Variants in PPM1H observed in about 807,000 individuals in gnomAD.
PPM1H encodes the protein protein phosphatase 1H.
Under a neutral mutation model 54.9 loss-of-function variants are expected in PPM1H, and 27 were observed. The observed-to-expected ratio is 0.49, with a 90% CI of 0.36 to 0.68. The LOEUF (loss-of-function observed/expected upper bound fraction) is 0.68. PPM1H is among the 30% of genes least tolerant of loss of function. The probability of loss-of-function intolerance (pLI) is 0.00; values close to 1 mark genes in which losing one functional copy is unlikely to be tolerated. For missense variants in PPM1H, 596 were observed against 667.8 expected, an observed-to-expected ratio of 0.89 and a Z score of 1.19; for synonymous variants, 305 against 270.8, an observed-to-expected ratio of 1.13 and a Z score of -1.24.
chr12:62,727,871 G>A (rs541381090), intron 5 of PPM1H, among the ~76,000 whole-genome samples: 25 of 151,934 alleles, frequency 1.6e-4, no homozygotes, highest in African/African-American at 6.0e-4. Flanking sequence ...ATGTTGGCCA[G>A]GCTGGTCTTG....
At chr12:62,743,184 C>G (rs2076391801) in intron 4 of PPM1H, among the ~76,000 whole-genome samples, 1 of 152,078 alleles carries the variant, frequency 6.6e-6, no homozygotes, top group Admixed American at 6.5e-5. Flanking sequence ...AACCCCATCT[C>G]TACTAAAAAA....
rs1373122659 is a variant in PPM1H at position 62,934,533 on chromosome 12, G to C, written c.204C>G (p.Leu68=). The C allele has an allele frequency of 2.6e-6, 4 of 1,552,278 alleles. No individual in the cohort carries two copies. In the Admixed American group the frequency reaches 7.8e-5, roughly 30 times the overall value. The change falls in exon 1 of 10, where the codon CTC becomes CTG. Residue 68 remains leucine, a synonymous_variant. Coordinates refer to ENST00000228705, the MANE Select transcript of PPM1H (RefSeq NM_020700.2). The surrounding 1 kb of genome is among the most constrained non-coding windows in gnomAD (Gnocchi z 4.2). ...ADHIARPILI[L]KETRRLPWAT... Reference sequence around the variant, plus strand: ...CCCAGGGCAGCCGCCGAGTCTCCTTGAGGATGAGGATGGGGCGGGCGATGT... The same window carrying C: ...CCCAGGGCAGCCGCCGAGTCTCCTTCAGGATGAGGATGGGGCGGGCGATGT...
chr12:62,739,429 G>A (rs931416595), intron 4 of PPM1H, among the ~76,000 whole-genome samples: 2 of 152,206 alleles, frequency 1.3e-5, no homozygotes, highest in South Asian at 2.1e-4. Flanking sequence ...CTAGGTTTGG[G>A]CCTAATCTTA....
intron 6 of PPM1H, among the ~76,000 whole-genome samples, chr12:62,696,084 T>G (rs2076113837): frequency 6.6e-6 from 1 of 152,192 alleles, no homozygotes; most frequent in South Asian, 2.1e-4. Context: ...GCTGCAGCTC[T>G]AGAACCAATG....
chr12:62,706,720 C>T (rs546349587), intron 6 of PPM1H, among the ~76,000 whole-genome samples: 11 of 152,272 alleles, frequency 7.2e-5, no homozygotes, highest in Non-Finnish European at 1.2e-4. Flanking sequence ...CTCTTAACCA[C>T]GCTTCTCTGT....
intron 8 of PPM1H, among the ~76,000 whole-genome samples, chr12:62,684,792 A>T (rs910452632): frequency 6.6e-6 from 1 of 152,140 alleles, no homozygotes; most frequent in African/African-American, 2.4e-5. Context: ...GAAGTGGGTC[A>T]GTTATTCTTC....
chr12:62,673,715 CTTTTTTTTTTTTT>C (rs567775927), intron 8 of PPM1H, among the ~76,000 whole-genome samples: 15 of 41,966 alleles, frequency 3.6e-4, no homozygotes, highest in Admixed American at 2.3e-3. Flanking sequence ...AAGAGCCACT[CTTTTTTTTTTTTT>C]TTTTTTTTTT....
Position 62,934,690 on chromosome 12 carries a change from A to G in PPM1H, c.47T>C (p.Ile16Thr). Residue 16 changes from isoleucine to threonine, a missense_variant, in exon 1 of 10, where the codon ATC becomes ACC. This residue lies in a region of PPM1H where 382 missense variants were observed against 387.1 expected (regional missense o/e 0.99). Transcript: ENST00000228705. The surrounding 1 kb of genome is among the most constrained non-coding windows in gnomAD (Gnocchi z 4.2). Reference sequence around the variant, plus strand: ...CTCGGAGCCTGAGCTGCCAGCCATGATGCCGCCCATGAAATTGGCCACGGC... The same window carrying G: ...CTCGGAGCCTGAGCTGCCAGCCATGGTGCCGCCCATGAAATTGGCCACGGC... ...KSAVANFMGG[I>T]MAGSSGSEHG... The G allele has an allele frequency of 6.2e-7, 1 of 1,607,130 alleles. No individual in the cohort carries two copies. The highest frequency in any genetic ancestry group is 1.1e-5 in the South Asian group (1 of 90,102).
At chr12:62,679,869 C>G (rs2076009221) in intron 8 of PPM1H, among the ~76,000 whole-genome samples, 1 of 152,118 alleles carries the variant, frequency 6.6e-6, no homozygotes, top group Non-Finnish European at 1.5e-5. Flanking sequence ...TCTTAATTAG[C>G]TAAACAGCTA....
chr12:62,904,305 C>G (rs1222491424), intron 1 of PPM1H, among the ~76,000 whole-genome samples: 1 of 151,852 alleles, frequency 6.6e-6, no homozygotes, highest in African/African-American at 2.4e-5. Context: ...GTGGCATGAT[C>G]TTGGCTCACT....
intron 3 of PPM1H, among the ~76,000 whole-genome samples, chr12:62,794,204 G>C (rs2076718172): frequency 6.6e-6 from 1 of 152,144 alleles, no homozygotes; most frequent in African/African-American, 2.4e-5. Context: ...CCTTCCTAGA[G>C]AAACTTCCCG....
intron 4 of PPM1H, among the ~76,000 whole-genome samples, chr12:62,743,240 C>A: frequency 6.6e-6 from 1 of 152,058 alleles, no homozygotes; most frequent in Admixed American, 6.6e-5. Flanking sequence ...GTAGTCACAG[C>A]TACTTGGGAG....
intron 1 of PPM1H, among the ~76,000 whole-genome samples, chr12:62,911,459 G>T (rs1592667462): frequency 6.6e-6 from 1 of 151,782 alleles, no homozygotes; most frequent in African/African-American, 2.4e-5. Flanking sequence ...TTCATTTACT[G>T]ACCTTAATTA....
intron 8 of PPM1H, among the ~76,000 whole-genome samples, chr12:62,687,459 C>T (rs558198730): frequency 6.6e-6 from 1 of 152,076 alleles, no homozygotes; most frequent in African/African-American, 2.4e-5. Context: ...GAACAAGGGT[C>T]CTGCTATGTT....
At chr12:62,754,242 T>C (rs566153858) in intron 4 of PPM1H, among the ~76,000 whole-genome samples, 2 of 152,318 alleles carry the variant, frequency 1.3e-5, no homozygotes, top group South Asian at 4.1e-4. Flanking sequence ...CTATGGATTC[T>C]GCACTGTGAG....
At chr12:62,664,992 T>C (rs2075908639) in intron 9 of PPM1H, among the ~76,000 whole-genome samples, 1 of 152,070 alleles carries the variant, frequency 6.6e-6, no homozygotes, top group South Asian at 2.1e-4. Context: ...TTTTTTTTTT[T>C]TTTCCTGGCT....
At chr12:62,819,239 C>T (rs1216014750) in intron 2 of PPM1H, among the ~76,000 whole-genome samples, 1 of 150,846 alleles carries the variant, frequency 6.6e-6, no homozygotes, top group African/African-American at 2.4e-5. Context: ...AAGTGATTCT[C>T]CTGCCTCAGC....
intron 1 of PPM1H, among the ~76,000 whole-genome samples, chr12:62,886,977 A>C (rs1236543264): frequency 6.6e-6 from 1 of 152,226 alleles, no homozygotes; most frequent in African/African-American, 2.4e-5. Context: ...AAAAGTGGCT[A>C]TCTAAGCCAG....
intron 4 of PPM1H, among the ~76,000 whole-genome samples, chr12:62,758,021 C>T (rs1365747454): frequency 8.5e-5 from 13 of 152,196 alleles, no homozygotes; most frequent in Non-Finnish European, 1.8e-4. Flanking sequence ...TAATTTGAAA[C>T]ATGAATTTGC....
Sources: allele counts gnomAD v4.1 joint callset (sites outside exome capture counted in the v4.1 genomes callset), GRCh38; gene constraint gnomAD v4.1.1; regional missense constraint gnomAD v4.1.1; non-coding constraint Gnocchi (gnomAD v3.1); transcripts MANE v1.5; gene names NCBI Gene and HGNC (gene_info 2026-07-23, HGNC 2026-07-21).